The following ZNF804B variants were observed in gnomAD, a reference collection of about 807,000 sequenced individuals.
The protein encoded by ZNF804B is zinc finger 804B.
ZNF804B carries 80 observed loss-of-function variants against 101.4 expected under a neutral mutation model. That is an observed-to-expected ratio of 0.79 (90% confidence interval 0.66 to 0.95). The LOEUF (loss-of-function observed/expected upper bound fraction) is 0.95. Among genes scored for constraint, ZNF804B ranks in the 40% least tolerant of loss-of-function variants. The pLI, the probability that ZNF804B is intolerant of heterozygous loss-of-function variation, is 0.00. For missense variants in ZNF804B, 1,673 were observed against 1,561.9 expected, an observed-to-expected ratio of 1.07 and a Z score of -1.20; for synonymous variants, 622 against 558.8, an observed-to-expected ratio of 1.11 and a Z score of -1.59.
intron 2 of ZNF804B, among the ~76,000 whole-genome samples, chr7:89,279,828 C>G (rs1389789759): frequency 1.3e-5 from 2 of 151,824 alleles, no homozygotes; most frequent in African/African-American, 4.8e-5. Flanking sequence ...TTGGTTGTGT[C>G]TCTGCCAGGC....
Position 89,336,744 on chromosome 7 carries a change from C to T in ZNF804B, c.3762C>T (p.Thr1254=), listed in dbSNP as rs764237069. Reference sequence around the variant, plus strand: ...TTTCATTTTCGACTCTGACTCCAACCATTATCCCTGCACACCCCACTTTCT... The same window carrying T: ...TTTCATTTTCGACTCTGACTCCAACTATTATCCCTGCACACCCCACTTTCT... ...SPISFSTLTP[T]IIPAHPTFLA... The change falls in exon 4 of 4, where the codon ACC becomes ACT. Residue 1254 remains threonine (T), a synonymous_variant. Transcript: ENST00000333190. 6.8e-6 allele frequency: 11 copies of T among 1,613,974 alleles called. No homozygotes were observed. Among genetic ancestry groups the T allele is most frequent in the Non-Finnish European group, 9.3e-6 (11 of 1,180,016 alleles).
intron 1 of ZNF804B, among the ~76,000 whole-genome samples, chr7:89,211,310 G>A (rs1788799995): frequency 6.6e-6 from 1 of 152,084 alleles, no homozygotes; most frequent in Admixed American, 6.6e-5. Context: ...TTTCTCTGAT[G>A]ATAGTGGGTT....
rs372401629 is a variant in ZNF804B, at chr7:89,334,642, T to C, written c.1660T>C (p.Leu554=). 6.2e-7 allele frequency: 1 copy of C among 1,613,664 alleles called. No homozygotes were observed. The highest frequency in any genetic ancestry group is 1.3e-5 in the African/African-American group (1 of 74,898). The change falls in exon 4 of 4, where the codon TTG becomes CTG. Residue 554 remains leucine, a synonymous_variant. Coordinates refer to ENST00000333190, the MANE Select transcript of ZNF804B (RefSeq NM_181646.5). ...GGAAAAATTCCAGAGGAAATATAATTTGGACTACAGTGATTCTGAGCCAAA... is the reference window on the plus strand; with the variant it reads ...GGAAAAATTCCAGAGGAAATATAATCTGGACTACAGTGATTCTGAGCCAAA... ...DWEKFQRKYN[L]DYSDSEPNKS...
intron 1 of ZNF804B, among the ~76,000 whole-genome samples, chr7:89,086,552 C>G (rs1789804706): frequency 6.6e-6 from 1 of 151,828 alleles, no homozygotes; most frequent in South Asian, 2.1e-4. Context: ...AAACTGCAAA[C>G]ATTTGTGGGA....
intron 1 of ZNF804B, among the ~76,000 whole-genome samples, chr7:89,113,624 A>G (rs1790255126): frequency 6.6e-6 from 1 of 152,112 alleles, no homozygotes; most frequent in African/African-American, 2.4e-5. Context: ...GTGTATATTT[A>G]TATATTGAGG....
chr7:89,101,417 A>G (rs1373014114), intron 1 of ZNF804B, among the ~76,000 whole-genome samples: 1 of 152,052 alleles, frequency 6.6e-6, no homozygotes, highest in Non-Finnish European at 1.5e-5. Context: ...GTGTAGTTTT[A>G]ATGATGAACA....
chr7:89,139,854 T>C (rs897895500), intron 1 of ZNF804B, among the ~76,000 whole-genome samples: 2 of 152,080 alleles, frequency 1.3e-5, no homozygotes, highest in African/African-American at 4.8e-5. Flanking sequence ...GATATTTTGA[T>C]CTTCTCTTAT....
At chr7:88,921,418 C>T (rs920317722) in intron 1 of ZNF804B, among the ~76,000 whole-genome samples, 1 of 152,062 alleles carries the variant, frequency 6.6e-6, no homozygotes, top group Non-Finnish European at 1.5e-5. Flanking sequence ...AGAAGAGGTT[C>T]CTCTGAGAAG....
At chr7:88,930,556 A>T (rs1792867223) in intron 1 of ZNF804B, among the ~76,000 whole-genome samples, 1 of 151,970 alleles carries the variant, frequency 6.6e-6, no homozygotes, top group Admixed American at 6.6e-5. Context: ...TATGTCTCTT[A>T]AATTATGTTT....
At chr7:89,022,084 T>C (rs1788676664) in intron 1 of ZNF804B, among the ~76,000 whole-genome samples, 1 of 152,076 alleles carries the variant, frequency 6.6e-6, no homozygotes, top group Non-Finnish European at 1.5e-5. Context: ...AAGTCTCTCT[T>C]GACTTCAGGT....
intron 1 of ZNF804B, among the ~76,000 whole-genome samples, chr7:88,917,572 A>C (rs181121475): frequency 6.6e-6 from 1 of 152,160 alleles, no homozygotes; most frequent in Admixed American, 6.6e-5. Context: ...CTGAGATGCT[A>C]TTCTTGGAAT....
rs186930392 is a variant in ZNF804B, at chr7:89,092,698, A to G, written c.109-125457A>G. On this transcript the variant is annotated intron_variant, in intron 1 of 3. Coordinates refer to ENST00000333190, the MANE Select transcript of ZNF804B (RefSeq NM_181646.5). ...AGTGCGTTGATTTATTTTCTTCCTC[A>G]AACTGTACCAGCTTTGGCTATTGGA... 2.0e-5 allele frequency among the ~76,000 whole-genome samples: 3 copies of G among 151,944 alleles called. No homozygotes were observed. In the South Asian group the frequency reaches 6.2e-4, roughly 32 times the overall value.
Position 88,908,329 on chromosome 7 carries a change from GTTT to G in ZNF804B, c.108+148251_108+148253del, listed in dbSNP as rs746746283. Among the ~76,000 whole-genome samples the G allele has an allele frequency of 3.3e-5, 5 of 150,228 alleles. No individual in the cohort carries two copies. The South Asian group carries it at 1.0e-3, about 31-fold the overall frequency. On this transcript the variant is annotated intron_variant, in intron 1 of 3. Coordinates refer to ENST00000333190, the MANE Select transcript of ZNF804B (RefSeq NM_181646.5). Reference sequence around the variant, plus strand: ...GTTGTTTTTCTACTTGTTTGATCCTGTTTTTTTTAATGAATGATAGTTACTCCC... The same window carrying G: ...GTTGTTTTTCTACTTGTTTGATCCTGTTTTTAATGAATGATAGTTACTCCC...
At chr7:89,271,985 T>A (rs1023960814) in intron 2 of ZNF804B, among the ~76,000 whole-genome samples, 1 of 152,124 alleles carries the variant, frequency 6.6e-6, no homozygotes, top group Non-Finnish European at 1.5e-5. Context: ...AAGGATTTTT[T>A]AAAAACCTTC....
At chr7:88,810,211 T>C (rs1790762640) in intron 1 of ZNF804B, among the ~76,000 whole-genome samples, 1 of 152,156 alleles carries the variant, frequency 6.6e-6, no homozygotes, top group South Asian at 2.1e-4. Flanking sequence ...AGTCATGCTT[T>C]TTTTTTTCTG....
intron 1 of ZNF804B, among the ~76,000 whole-genome samples, chr7:88,953,409 T>A (rs1464402912): frequency 6.6e-6 from 1 of 151,818 alleles, no homozygotes; most frequent in African/African-American, 2.4e-5. Flanking sequence ...AACACCTATC[T>A]TTTTGTTTGA....
At chr7:89,211,997 G>T (rs1788812376) in intron 1 of ZNF804B, among the ~76,000 whole-genome samples, 1 of 151,982 alleles carries the variant, frequency 6.6e-6, no homozygotes, top group African/African-American at 2.4e-5. Context: ...TTTTCCATTT[G>T]TTTGTGTCCT....
chr7:89,019,502 A>G (rs191493549), intron 1 of ZNF804B, among the ~76,000 whole-genome samples: 5 of 152,150 alleles, frequency 3.3e-5, no homozygotes, highest in East Asian at 3.9e-4. Flanking sequence ...CATCTGGTCT[A>G]TCGTGCACTG....
intron 1 of ZNF804B, among the ~76,000 whole-genome samples, chr7:89,121,400 A>C (rs12704437): frequency 0.37 from 56,449 of 151,942 alleles, 11,187 homozygotes; most frequent in African/African-American, 0.52. Flanking sequence ...ATTTTTCTCT[A>C]TAATACAAAA....
Sources: allele counts gnomAD v4.1 joint callset (sites outside exome capture counted in the v4.1 genomes callset), GRCh38; gene constraint gnomAD v4.1.1; transcripts MANE v1.5; gene names NCBI Gene and HGNC (gene_info 2026-07-23, HGNC 2026-07-21).